TTC12: variants seen among roughly 807,000 people sequenced by gnomAD.
TTC12 encodes tetratricopeptide repeat protein 12.
A neutral mutation model predicts 90.1 loss-of-function variants in TTC12; 70 were observed. The ratio of observed to expected loss-of-function variants is 0.78; its 90% CI spans 0.64 to 0.95. The LOEUF (loss-of-function observed/expected upper bound fraction) is 0.95, where lower values mean the gene tolerates loss of function less well. TTC12 is among the 40% of genes least tolerant of loss of function. The pLI, the probability that TTC12 is intolerant of heterozygous loss-of-function variation, is 0.00. For missense variants in TTC12, 819 were observed against 846.1 expected, an observed-to-expected ratio of 0.97 and a Z score of 0.40; for synonymous variants, 296 against 311.5, an observed-to-expected ratio of 0.95 and a Z score of 0.53.
At chr11:113,316,969 C>CAGTAATACACAGTA (rs1591503407) in intron 2 of TTC12, among the ~76,000 whole-genome samples, 2 of 152,298 alleles carry the variant, frequency 1.3e-5, no homozygotes, top group East Asian at 3.9e-4. Context: ...TAAATACAGG[C>CAGTAATACACAGTA]AATATGCTGA....
intron 21 of TTC12, among the ~76,000 whole-genome samples, chr11:113,372,179 A>G (rs1415910170): frequency 6.6e-6 from 1 of 152,250 alleles, no homozygotes; most frequent in African/African-American, 2.4e-5. Flanking sequence ...CAGGAAGAGC[A>G]TGAAGGATTG....
Position 113,334,946 on chromosome 11 carries a change from A to G in TTC12, c.505-20A>G. On this transcript the variant is annotated intron_variant, in intron 7 of 21. Transcript: ENST00000529221. The stretch of plus-strand genomic sequence containing the variant: ...TTCACATCTTCTAAAACTTCTGATC[A>G]GTCATTCTCTTTTATGCAGTGTGAT... The G allele has an allele frequency of 6.2e-7, 1 of 1,604,854 alleles. No individual in the cohort carries two copies. The highest frequency in any genetic ancestry group is 1.1e-5 in the South Asian group (1 of 90,770).
Position 113,332,431 on chromosome 11 carries a change from C to T in TTC12, c.504+2452C>T, listed in dbSNP as rs189895377. On this transcript the variant is annotated intron_variant, in intron 7 of 21. Coordinates refer to ENST00000529221, the MANE Select transcript of TTC12 (RefSeq NM_017868.4). ...TTAATGCTTGGGGCTCGGTTTCCCCCGCCTGCTGTAACCCCGGTGCTCTGC... is the reference window on the plus strand; with the variant it reads ...TTAATGCTTGGGGCTCGGTTTCCCCTGCCTGCTGTAACCCCGGTGCTCTGC... 4.6e-5 allele frequency among the ~76,000 whole-genome samples: 7 copies of T among 152,314 alleles called. No homozygotes were observed. In the South Asian group the frequency reaches 6.2e-4, roughly 14 times the overall value.
At chr11:113,359,338 T>C in intron 16 of TTC12, 25 bp from the exon 17 acceptor site, 1 of 1,532,054 alleles carries the variant, frequency 6.5e-7, no homozygotes, top group Admixed American at 1.7e-5. Flanking sequence ...AAAAGGTCAT[T>C]GGTTACCTTG....
At chr11:113,328,365 T>C (rs1565580180) in intron 6 of TTC12, among the ~76,000 whole-genome samples, 1 of 152,200 alleles carries the variant, frequency 6.6e-6, no homozygotes, top group Non-Finnish European at 1.5e-5. Context: ...TTGTTTATAT[T>C]CCTCTAGTCC....
rs556980632 is a variant in TTC12 at position 113,326,261 on chromosome 11, A to G, written c.444+616A>G. Among the ~76,000 whole-genome samples, 38 of 152,322 alleles carry G rather than the reference A, an allele frequency of 2.5e-4. No individual in the cohort carries two copies. In the South Asian group the frequency reaches 5.4e-3, roughly 22 times the overall value. ...AAAACCACCCAGATGTTTATTTACT[A>G]CTTAATGAAGGGATAGGCTGATAGC... On this transcript the variant is annotated intron_variant, in intron 6 of 21. Transcript: ENST00000529221.
rs782658653 is a variant in TTC12, at chr11:113,343,438, C to T, written c.986-834C>T. 1.3e-4 allele frequency among the ~76,000 whole-genome samples: 20 copies of T among 152,302 alleles called. 1 individual carries two copies. The highest frequency in any genetic ancestry group is 2.4e-4 in the Non-Finnish European group (16 of 68,030). On this transcript the variant is annotated intron_variant, in intron 12 of 21. Coordinates refer to ENST00000529221, the MANE Select transcript of TTC12 (RefSeq NM_017868.4). ...TAGGATTGAGATGTAATGTTTGCAA[C>T]GAAAACATGGTTTGATATGTGGGCT...
At chr11:113,320,494 C>A (rs552522623) in intron 2 of TTC12, among the ~76,000 whole-genome samples, 2 of 152,260 alleles carry the variant, frequency 1.3e-5, no homozygotes, top group South Asian at 4.1e-4. Context: ...AGGGGAAGAT[C>A]ATCTTTCCCC....
chr11:113,325,966 C>A (rs1947666777), intron 6 of TTC12, among the ~76,000 whole-genome samples: 1 of 152,118 alleles, frequency 6.6e-6, no homozygotes, highest in African/African-American at 2.4e-5. Flanking sequence ...AAGGAGAAAA[C>A]TAGTGGAATG....
chr11:113,319,090 A>C (rs1167250270), intron 2 of TTC12, among the ~76,000 whole-genome samples: 1 of 152,186 alleles, frequency 6.6e-6, no homozygotes, highest in Non-Finnish European at 1.5e-5. Flanking sequence ...GGCAAACACA[A>C]TTTCAGATAG....
chr11:113,352,912 A>G (rs565743868), intron 16 of TTC12, among the ~76,000 whole-genome samples: 1 of 152,324 alleles, frequency 6.6e-6, no homozygotes, highest in African/African-American at 2.4e-5. Context: ...TGCAGTGAAC[A>G]TATATGTGCA....
chr11:113,345,619 C>T (rs1948909622), intron 13 of TTC12, among the ~76,000 whole-genome samples: 1 of 152,326 alleles, frequency 6.6e-6, no homozygotes, highest in Non-Finnish European at 1.5e-5. Flanking sequence ...CAGGCCCAGT[C>T]GCAGCCTCAG....
chr11:113,356,583 TCTTTC>T (rs1486234354), intron 16 of TTC12, among the ~76,000 whole-genome samples: 1 of 152,248 alleles, frequency 6.6e-6, no homozygotes, highest in Non-Finnish European at 1.5e-5. Context: ...CTGGTAATGG[TCTTTC>T]CTTTCCATAT....
At position 113,336,871 on chromosome 11, in the gene TTC12, C is replaced by T. The variant is rs142521400; in HGVS notation, c.576+1834C>T. On this transcript the variant is annotated intron_variant, in intron 8 of 21. Transcript: ENST00000529221. ...TATATGAACTTCAAGATTATCGTGTCGATTTTTGCAAAGAAACCAGGTGGA... is the reference window on the plus strand; with the variant it reads ...TATATGAACTTCAAGATTATCGTGTTGATTTTTGCAAAGAAACCAGGTGGA... Among the ~76,000 whole-genome samples the T allele has an allele frequency of 3.6e-3, 552 of 152,138 alleles. 2 individuals are homozygous for T. Among genetic ancestry groups the T allele is most frequent in the African/African-American group, 0.013 (526 of 41,514 alleles).
intron 2 of TTC12, among the ~76,000 whole-genome samples, chr11:113,323,043 T>C (rs1947439043): frequency 6.8e-6 from 1 of 148,076 alleles, no homozygotes; most frequent in South Asian, 2.1e-4. Flanking sequence ...AATTGAATAA[T>C]GGCTTAAAAC....
intron 2 of TTC12, among the ~76,000 whole-genome samples, 186 bp from the exon 3 acceptor site, chr11:113,323,102 C>CAAA (rs34496236): frequency 3.8e-3 from 304 of 79,418 alleles, no homozygotes; most frequent in African/African-American, 0.014. Flanking sequence ...TTTTTCTAGG[C>CAAA]AAAAAAAAAA....
intron 10 of TTC12, 28 bp from the exon 11 acceptor site, chr11:113,340,636 G>A (rs1555145682): frequency 6.3e-7 from 1 of 1,597,700 alleles, no homozygotes; most frequent in Admixed American, 1.7e-5. Flanking sequence ...TTGGGAGTCT[G>A]AAGTGGTTTT....
At chr11:113,342,380 C>G (rs1198164544) in intron 12 of TTC12, among the ~76,000 whole-genome samples, 1 of 152,186 alleles carries the variant, frequency 6.6e-6, no homozygotes, top group Non-Finnish European at 1.5e-5. Context: ...ATTTACTGTG[C>G]TAACTCTTAG....
At position 113,339,443 on chromosome 11, in the gene TTC12, G is replaced by T. The variant is rs782759972; in HGVS notation, c.795G>T (p.Gly265=). The T allele has an allele frequency of 1.2e-6, 2 of 1,611,116 alleles. No homozygotes were observed. Among genetic ancestry groups the T allele is most frequent in the Non-Finnish European group, 1.7e-6 (2 of 1,178,960 alleles). The change falls in exon 10 of 22, where the codon GGG becomes GGT. Residue 265 remains glycine, a synonymous_variant. Transcript: ENST00000529221. ...AGATCCCCTTGTTCTATGCTGGGGG[G>T]ATTGAGATCCTGACTGAAATGATAA... The part of the protein sequence containing the change: ...PDQIPLFYAG[G]IEILTEMINE...
Sources: allele counts gnomAD v4.1 joint callset (sites outside exome capture counted in the v4.1 genomes callset), GRCh38; gene constraint gnomAD v4.1.1; transcripts MANE v1.5; gene names NCBI Gene and HGNC (gene_info 2026-07-23, HGNC 2026-07-21).